KCNQ1: variants seen among roughly 807,000 people sequenced by gnomAD.
KCNQ1 encodes the protein potassium voltage-gated channel subfamily KQT member 1.
Under a neutral mutation model 72.4 loss-of-function variants are expected in KCNQ1, and 49 were observed. That is an observed-to-expected ratio of 0.68 (90% confidence interval 0.54 to 0.86). The LOEUF (loss-of-function observed/expected upper bound fraction) is 0.86, where lower values mean the gene tolerates loss of function less well. Among genes scored for constraint, KCNQ1 ranks in the 40% least tolerant of loss-of-function variants. The probability of loss-of-function intolerance (pLI) is 0.00; values close to 1 mark genes in which losing one functional copy is unlikely to be tolerated. For synonymous variants in KCNQ1, 450 were observed against 412.6 expected (o/e 1.09, Z -1.10); for missense variants, 790 against 945.1 (o/e 0.84, Z 2.15).
At chr11:2,594,806 A>G (rs566965308) in intron 10 of KCNQ1, among the ~76,000 whole-genome samples, 33 of 152,210 alleles carry the variant, frequency 2.2e-4, no homozygotes, top group Non-Finnish European at 3.4e-4. Flanking sequence ...TCATTTGAAC[A>G]TGCATATTTT....
In KCNQ1 at chr11:2,658,835, G is replaced by T; in HGVS notation, c.1394-3126G>T. On this transcript the variant is annotated intron_variant, in intron 10 of 15. Transcript: ENST00000155840. The surrounding 1 kb of genome is among the most constrained non-coding windows in gnomAD (Gnocchi z 4.9). ...CTTATTTATAGCTTTTTCTCTGACA[G>T]CTAGAAACCTGGCTCCCATTACCTA... 2.5e-6 allele frequency: 1 copy of T among 398,366 alleles called. No homozygotes were observed. The highest frequency in any genetic ancestry group is 4.4e-6 in the Non-Finnish European group (1 of 226,002). The allele number at this position is 398,366 out of a possible 1,614,324, so 24.7% of individuals were successfully genotyped here. A position where few individuals can be genotyped will look rare whatever the true frequency, so the allele number is the denominator to read the frequency against.
In KCNQ1 at chr11:2,495,192, T is replaced by C. The variant is rs1846890541; in HGVS notation, c.387-32736T>C. Among the ~76,000 whole-genome samples the C allele has an allele frequency of 6.6e-6, 1 of 152,224 alleles. No homozygotes were observed. The highest frequency in any genetic ancestry group is 1.5e-5 in the Non-Finnish European group (1 of 68,042). On this transcript the variant is annotated intron_variant, in intron 1 of 15. Transcript: ENST00000155840. This position sits in a 1 kb window ranked among gnomAD's most constrained non-coding sequence, Gnocchi z 4.6. Reference sequence around the variant, plus strand: ...GTGGGATCAGTGGTGATATCCCCTTTATCATTTTTTATTGCATCTATTTGA... The same window carrying C: ...GTGGGATCAGTGGTGATATCCCCTTCATCATTTTTTATTGCATCTATTTGA...
intron 10 of KCNQ1, chr11:2,622,670 T>C (rs1849194166): frequency 2.5e-6 from 1 of 398,528 alleles, no homozygotes; most frequent in African/African-American, 2.1e-5. Context: ...TAGTGTACCA[T>C]TATGATTCTC....
Position 2,785,069 on chromosome 11 carries a change from G to C in KCNQ1, c.1794+7032G>C, listed in dbSNP as rs936922413. Among the ~76,000 whole-genome samples, 3 of 152,002 alleles carry C rather than the reference G, an allele frequency of 2.0e-5. No individual in the cohort carries two copies. Among genetic ancestry groups the C allele is most frequent in the Non-Finnish European group, 4.4e-5 (3 of 67,848 alleles). ...ACTTCAAAAAAAATATTGACTAGAA[G>C]TGCTAGAGCAGATCTTCTGGGGAAA... On this transcript the variant is annotated intron_variant, in intron 15 of 15. Coordinates refer to ENST00000155840, the MANE Select transcript of KCNQ1 (RefSeq NM_000218.3). This position sits in a 1 kb window ranked among gnomAD's most constrained non-coding sequence, Gnocchi z 4.4.
chr11:2,523,581 G>A (rs1304873893), intron 1 of KCNQ1, among the ~76,000 whole-genome samples: 1 of 152,104 alleles, frequency 6.6e-6, no homozygotes, highest in Non-Finnish European at 1.5e-5. Context: ...CACGAGAATC[G>A]AAAAGCCGTG....
chr11:2,842,046 T>G (rs1288695037), intron 15 of KCNQ1, among the ~76,000 whole-genome samples: 1 of 152,086 alleles, frequency 6.6e-6, no homozygotes, highest in African/African-American at 2.4e-5. Flanking sequence ...GCGGTGTGGG[T>G]CCCCAGCCGC....
rs1463878449 is a variant in KCNQ1 at position 2,815,751 on chromosome 11, G to C, written c.1795-32016G>C. On this transcript the variant is annotated intron_variant, in intron 15 of 15. Coordinates refer to ENST00000155840, the MANE Select transcript of KCNQ1 (RefSeq NM_000218.3). The surrounding 1 kb of genome is among the most constrained non-coding windows in gnomAD (Gnocchi z 5.4). ...AGGGTGGGAGCAGACACGGGAGTAGGATGGGGGCCCTGGAGGTACTGGGTG... is the reference window on the plus strand; with the variant it reads ...AGGGTGGGAGCAGACACGGGAGTAGCATGGGGGCCCTGGAGGTACTGGGTG... 6.6e-6 allele frequency among the ~76,000 whole-genome samples: 1 copy of C among 152,062 alleles called. No individual in the cohort carries two copies. Among genetic ancestry groups the C allele is most frequent in the Non-Finnish European group, 1.5e-5 (1 of 67,992 alleles).
chr11:2,671,201 A>G lies in KCNQ1; in HGVS notation c.1514+9120A>G. The stretch of plus-strand genomic sequence containing the variant: ...TAGGAGAAAAGGAAAGAAAAATAAA[A>G]GGTAGAGAGACAGAGGTAGACAGGA... On this transcript the variant is annotated intron_variant, in intron 11 of 15. Coordinates refer to ENST00000155840, the MANE Select transcript of KCNQ1 (RefSeq NM_000218.3). The surrounding 1 kb of genome is among the most constrained non-coding windows in gnomAD (Gnocchi z 4.7). 2.5e-6 allele frequency: 1 copy of G among 398,646 alleles called. No individual in the cohort carries two copies. 24.7% of individuals were successfully genotyped at this position (398,646 alleles called of 1,614,324 possible). A position where few individuals can be genotyped will look rare whatever the true frequency, so the allele number is the denominator to read the frequency against.
At chr11:2,634,866 G>A (rs1849431637) in intron 10 of KCNQ1, 1 of 152,170 alleles carries the variant, frequency 6.6e-6, no homozygotes, top group Admixed American at 6.6e-5. Flanking sequence ...TTTAATGATT[G>A]CCATTCTAAC....
At chr11:2,584,049 TTA>T (rs1317138657) in intron 7 of KCNQ1, among the ~76,000 whole-genome samples, 1 of 152,120 alleles carries the variant, frequency 6.6e-6, no homozygotes, top group South Asian at 2.1e-4. Flanking sequence ...GTGTATAATT[TTA>T]TGTTACCTGT....
intron 6 of KCNQ1, among the ~76,000 whole-genome samples, chr11:2,576,516 G>C (rs1374174869): frequency 6.6e-6 from 1 of 152,244 alleles, no homozygotes; most frequent in Non-Finnish European, 1.5e-5. Flanking sequence ...ACAGGAGGCT[G>C]CCGGGCTGTG....
At chr11:2,548,693 C>T (rs1278724072) in intron 2 of KCNQ1, among the ~76,000 whole-genome samples, 1 of 152,222 alleles carries the variant, frequency 6.6e-6, no homozygotes, top group East Asian at 1.9e-4. Flanking sequence ...GTGACATCTT[C>T]TTCTTGCATC....
In KCNQ1 at chr11:2,657,917, C is replaced by G. The variant is rs775481660; in HGVS notation, c.1394-4044C>G. On this transcript the variant is annotated intron_variant, in intron 10 of 15. Transcript: ENST00000155840. This position sits in a 1 kb window ranked among gnomAD's most constrained non-coding sequence, Gnocchi z 4.8. ...CTTTCCTCATTGTGGAACATGACAT[C>G]AACATGGTTTATCACTGGTAATATT... The G allele has an allele frequency of 3.5e-4, 141 of 398,466 alleles. No homozygotes were observed. Among genetic ancestry groups the G allele is most frequent in the Non-Finnish European group, 4.6e-4 (104 of 226,054 alleles). The allele number at this position is 398,466 out of a possible 1,614,324, so 24.7% of individuals were successfully genotyped here.
intron 10 of KCNQ1, chr11:2,631,748 T>C (rs536284538): frequency 1.5e-5 from 6 of 398,662 alleles, no homozygotes; most frequent in African/African-American, 4.1e-5. Context: ...AATACTCTTC[T>C]TGCAGCTCCA....
chr11:2,797,457 C>G (rs1403606649), intron 15 of KCNQ1, among the ~76,000 whole-genome samples: 1 of 152,208 alleles, frequency 6.6e-6, no homozygotes, highest in African/African-American at 2.4e-5. Flanking sequence ...CAAGGTCGGG[C>G]TGGGCTGGCC....
rs543780702 is a variant in KCNQ1, at chr11:2,734,283, G to T, written c.1515-34561G>T. ...CAGGCCGGAGCCCAGCTGCAGAGCA[G>T]GGCAGGGGTGGCCAAAAGGCGCCTA... On this transcript the variant is annotated intron_variant, in intron 11 of 15. Coordinates refer to ENST00000155840, the MANE Select transcript of KCNQ1 (RefSeq NM_000218.3). The surrounding 1 kb of genome is among the most constrained non-coding windows in gnomAD (Gnocchi z 7.0). Among the ~76,000 whole-genome samples, 3 of 152,382 alleles carry T rather than the reference G, an allele frequency of 2.0e-5. No homozygotes were observed. The South Asian group carries it at 6.2e-4, about 32-fold the overall frequency.
At chr11:2,506,746 T>G (rs1847111491) in intron 1 of KCNQ1, among the ~76,000 whole-genome samples, 2 of 152,250 alleles carry the variant, frequency 1.3e-5, no homozygotes, top group Admixed American at 1.3e-4. Flanking sequence ...TTTTCTACAG[T>G]TGCGCCAGCA....
chr11:2,489,399 C>A (rs1846797311), intron 1 of KCNQ1, among the ~76,000 whole-genome samples: 2 of 152,220 alleles, frequency 1.3e-5, no homozygotes, highest in Non-Finnish European at 2.9e-5. Context: ...GGGTCAGAAA[C>A]TGAGTTCCAG....
At chr11:2,834,353 G>T (rs1166673620) in intron 15 of KCNQ1, among the ~76,000 whole-genome samples, 1 of 152,144 alleles carries the variant, frequency 6.6e-6, no homozygotes, top group Non-Finnish European at 1.5e-5. Flanking sequence ...GCTGGGGAGG[G>T]TGGGCAGAGC....
Sources: gnomAD v4.1 joint callset for allele counts (sites outside exome capture counted in the v4.1 genomes callset) on GRCh38, gnomAD v4.1.1 for gene constraint, Gnocchi (gnomAD v3.1) non-coding constraint, MANE v1.5 for transcripts, NCBI Gene and HGNC (gene_info 2026-07-23, HGNC 2026-07-21) for gene names.